Variants in F10 observed in about 807,000 individuals in gnomAD.
F10 encodes the protein coagulation factor X.
In F10, 29 loss-of-function variants were observed where a neutral mutation model predicts 37.1. The ratio of observed to expected loss-of-function variants is 0.78; its 90% CI spans 0.58 to 1.07. F10 has a LOEUF of 1.07. F10 is among the 50% of genes least tolerant of loss of function. The pLI is 0.00. For missense variants in F10, 539 were observed against 667.9 expected (o/e 0.81, Z 2.13); for synonymous variants, 262 against 268.6 (o/e 0.98, Z 0.24).
Position 113,144,978 on chromosome 13 carries a change from A to C in F10, c.747+883A>C, listed in dbSNP as rs1459400175. On this transcript the variant is annotated intron_variant, in intron 6 of 7. Transcript: ENST00000375559. The surrounding 1 kb of genome is among the most constrained non-coding windows in gnomAD (Gnocchi z 6.4). ...ACTGCAACCTCCACCTCCCAGGTTC[A>C]TGTCATTCTCCTGCTTCAGCCTCCC... 1.3e-5 allele frequency among the ~76,000 whole-genome samples: 2 copies of C among 151,850 alleles called. No individual in the cohort carries two copies. Among genetic ancestry groups the C allele is most frequent in the Non-Finnish European group, 2.9e-5 (2 of 67,998 alleles).
In F10 at chr13:113,144,939, C is replaced by T. The variant is rs955140693; in HGVS notation, c.747+844C>T. On this transcript the variant is annotated intron_variant, in intron 6 of 7. Transcript: ENST00000375559. The surrounding 1 kb of genome is among the most constrained non-coding windows in gnomAD (Gnocchi z 6.4). ...TGTCGCCCAGGCTGGAGTGCAGTGG[C>T]GCGATCTCGGCTCACTGCAACCTCC... Among the ~76,000 whole-genome samples, 22 of 151,554 alleles carry T rather than the reference C, an allele frequency of 1.5e-4. No individual in the cohort carries two copies. The highest frequency in any genetic ancestry group is 4.2e-4 in the South Asian group (2 of 4,814).
rs34440130 is a variant in F10, at chr13:113,127,424, G to GA, written c.71-2021dup. Among the ~76,000 whole-genome samples, 9 of 152,106 alleles carry GA rather than the reference G, an allele frequency of 5.9e-5. No individual in the cohort carries two copies. The South Asian group carries it at 1.7e-3, about 28-fold the overall frequency. ...TAGTGAGACATTGAATTTTTCAGTG[G>GA]AAAAAAAGCACAGAAAAAGACTACA... On this transcript the variant is annotated intron_variant, in intron 1 of 7. Transcript: ENST00000375559.
intron 2 of F10, among the ~76,000 whole-genome samples, chr13:113,133,192 AAAAG>A (rs1488061283): frequency 1.3e-5 from 2 of 152,122 alleles, no homozygotes; most frequent in Non-Finnish European, 2.9e-5. Context: ...AAACTAGAAA[AAAAG>A]AAAAAAATAA....
In F10 at chr13:113,144,191, G is replaced by T; in HGVS notation, c.747+96G>T. ...GCCTGACACTTGGAATAGCAATCCG[G>T]GAAGGAACTGTTCCGAACTAGGACA... is the stretch of plus-strand genomic sequence containing the variant. On this transcript the variant is annotated intron_variant, in intron 6 of 7. Coordinates refer to ENST00000375559, the MANE Select transcript of F10 (RefSeq NM_000504.4). This position sits in a 1 kb window ranked among gnomAD's most constrained non-coding sequence, Gnocchi z 6.4. 1 of 1,578,086 alleles carries T rather than the reference G, an allele frequency of 6.3e-7. No individual in the cohort carries two copies. The highest frequency in any genetic ancestry group is 8.6e-7 in the Non-Finnish European group (1 of 1,159,830).
In F10 at chr13:113,139,104, T is replaced by C. The variant is rs1429009358; in HGVS notation, c.257-253T>C. Among the ~76,000 whole-genome samples, 1 of 152,210 alleles carries C rather than the reference T, an allele frequency of 6.6e-6. No individual in the cohort carries two copies. Among genetic ancestry groups the C allele is most frequent in the Non-Finnish European group, 1.5e-5 (1 of 68,036 alleles). ...GTTGGTCCCTGTGGTCACCTCTGAC[T>C]GTAAACACACTGCAAAACACCGGCA... On this transcript the variant is annotated intron_variant, in intron 3 of 7. Transcript: ENST00000375559. The surrounding 1 kb of genome is among the most constrained non-coding windows in gnomAD (Gnocchi z 5.2).
At chr13:113,123,014 T>C in intron 1 of F10, 89 bp downstream of exon 1, 1 of 1,449,358 alleles carries the variant, frequency 6.9e-7, no homozygotes, top group Non-Finnish European at 9.4e-7. Context: ...CTCTGCAGCC[T>C]GGACGGTGGG....
At position 113,138,428 on chromosome 13, in the gene F10, A is replaced by G. The variant is rs759639911; in HGVS notation, c.232-29A>G. 1.1e-5 allele frequency: 12 copies of G among 1,084,896 alleles called. No individual in the cohort carries two copies. In the Admixed American group the frequency reaches 2.2e-4, roughly 19 times the overall value. 67.2% of individuals were successfully genotyped at this position (1,084,896 alleles called of 1,614,324 possible). On this transcript the variant is annotated intron_variant, in intron 2 of 7. Coordinates refer to ENST00000375559, the MANE Select transcript of F10 (RefSeq NM_000504.4). The stretch of plus-strand genomic sequence containing the variant: ...ATAAAATGTCTCTGTTTTCCCTAAT[A>G]TATTTTTAAATTTCTTTTTTCCTTT...
At chr13:113,124,110 A>G (rs58763830) in intron 1 of F10, among the ~76,000 whole-genome samples, 5,928 of 152,288 alleles carry the variant, frequency 0.039, 416 homozygotes, top group African/African-American at 0.13. Context: ...TGCAGCCGGA[A>G]TGCTCTAGGA....
At chr13:113,142,803 A>G (rs998552152) in intron 5 of F10, among the ~76,000 whole-genome samples, 6 of 151,798 alleles carry the variant, frequency 4.0e-5, no homozygotes, top group Non-Finnish European at 7.4e-5. Flanking sequence ...GTGGTGGCGC[A>G]CGCCTGTAAT....
chr13:113,141,159 G>A lies in F10; in HGVS notation c.502+109G>A. 1 of 1,492,756 alleles carries A rather than the reference G, an allele frequency of 6.7e-7. No individual in the cohort carries two copies. Among genetic ancestry groups the A allele is most frequent in the Non-Finnish European group, 9.1e-7 (1 of 1,100,180 alleles). 92.5% of individuals were successfully genotyped at this position (1,492,756 alleles called of 1,614,324 possible). The stretch of plus-strand genomic sequence containing the variant: ...AGGCATGTTCTGGGCGGGCCTGGCA[G>A]GTAACAGTGACACCAAGAGGACAGG... On this transcript the variant is annotated intron_variant, in intron 5 of 7. Coordinates refer to ENST00000375559, the MANE Select transcript of F10 (RefSeq NM_000504.4). The surrounding 1 kb of genome is among the most constrained non-coding windows in gnomAD (Gnocchi z 5.4).
rs1156822354 is a variant in F10, at chr13:113,142,738, C to T, written c.503-1113C>T. Among the ~76,000 whole-genome samples the T allele has an allele frequency of 2.3e-5, 3 of 131,618 alleles. 1 individual carries two copies. The highest frequency in any genetic ancestry group is 1.8e-5 in the Non-Finnish European group (1 of 56,536). 86.3% of individuals were successfully genotyped at this position (131,618 alleles called of 152,430 possible). On this transcript the variant is annotated intron_variant, in intron 5 of 7. Transcript: ENST00000375559. ...GTCAGGAGTTCAAGACCAGCCTGGC[C>T]AACATGGTGAAACCCTGTCTCTATA...
intron 4 of F10, among the ~76,000 whole-genome samples, chr13:113,140,209 G>A (rs1404752200): frequency 6.6e-6 from 1 of 151,798 alleles, no homozygotes; most frequent in African/African-American, 2.4e-5. Context: ...AAGTAGCTGG[G>A]ACTATAGGCC....
At position 113,139,439 on chromosome 13, in the gene F10, A is replaced by G; in HGVS notation, c.339A>G (p.Leu113=). The G allele has an allele frequency of 6.2e-7, 1 of 1,614,010 alleles. No homozygotes were observed. The highest frequency in any genetic ancestry group is 8.5e-7 in the Non-Finnish European group (1 of 1,179,886). ...TCGGGGAATACACCTGCACCTGTTT[A>G]GAAGGATTCGAAGGCAAAAACTGTG... ...DGLGEYTCTC[L]EGFEGKNCEL... The change falls in exon 4 of 8, where the codon TTA becomes TTG. Residue 113 remains leucine (L), a synonymous_variant. Transcript: ENST00000375559. This position sits in a 1 kb window ranked among gnomAD's most constrained non-coding sequence, Gnocchi z 5.2.
intron 2 of F10, among the ~76,000 whole-genome samples, chr13:113,137,128 T>C (rs2036486610): frequency 6.6e-6 from 1 of 152,236 alleles, no homozygotes; most frequent in Non-Finnish European, 1.5e-5. Flanking sequence ...GTAAGATAAA[T>C]GTCTTTTGCT....
chr13:113,123,753 G>GC (rs1447652206), intron 1 of F10, among the ~76,000 whole-genome samples: 2 of 152,124 alleles, frequency 1.3e-5, no homozygotes, highest in African/African-American at 4.8e-5. Flanking sequence ...GACCTAAACG[G>GC]CCCCTCCGCC....
chr13:113,123,751 C>G (rs749478312), intron 1 of F10, among the ~76,000 whole-genome samples: 1 of 152,154 alleles, frequency 6.6e-6, no homozygotes, highest in Non-Finnish European at 1.5e-5. Context: ...CTGACCTAAA[C>G]GGCCCCTCCG....
rs1363372501 is a variant in F10 at position 113,146,489 on chromosome 13, T to C, written c.748-890T>C. ...GGGCCCTCGCCCAGCCTGTTGAGGT[T>C]TGCGATTCTTGTTTCCTGGTTCGAG... On this transcript the variant is annotated intron_variant, in intron 6 of 7. Coordinates refer to ENST00000375559, the MANE Select transcript of F10 (RefSeq NM_000504.4). This position sits in a 1 kb window ranked among gnomAD's most constrained non-coding sequence, Gnocchi z 4.5. 1.3e-5 allele frequency among the ~76,000 whole-genome samples: 2 copies of C among 152,182 alleles called. No individual in the cohort carries two copies. The highest frequency in any genetic ancestry group is 2.9e-5 in the Non-Finnish European group (2 of 68,028).
chr13:113,125,403 T>A (rs2036360910), intron 1 of F10, among the ~76,000 whole-genome samples: 1 of 152,226 alleles, frequency 6.6e-6, no homozygotes, highest in Non-Finnish European at 1.5e-5. Flanking sequence ...TTGCTGACTG[T>A]GGAATTCACT....
At chr13:113,134,796 A>G (rs1180401997) in intron 2 of F10, among the ~76,000 whole-genome samples, 1 of 152,260 alleles carries the variant, frequency 6.6e-6, no homozygotes, top group African/African-American at 2.4e-5. Context: ...AATTGCTTCA[A>G]AGAAAATTAT....
Sources: allele counts gnomAD v4.1 joint callset (sites outside exome capture counted in the v4.1 genomes callset), GRCh38; gene constraint gnomAD v4.1.1; non-coding constraint Gnocchi (gnomAD v3.1); transcripts MANE v1.5; gene names NCBI Gene and HGNC (gene_info 2026-07-23, HGNC 2026-07-21).